IDE: variants seen among roughly 807,000 people sequenced by gnomAD.
IDE encodes insulin-degrading enzyme.
Under a neutral mutation model 133.2 loss-of-function variants are expected in IDE, and 58 were observed. The ratio of observed to expected loss-of-function variants is 0.44; its 90% CI spans 0.35 to 0.54. The LOEUF is 0.54. IDE is among the 20% of genes least tolerant of loss of function. IDE has a pLI of 0.00. For synonymous variants in IDE, 396 were observed against 421.3 expected (o/e 0.94, Z 0.73); for missense variants, 981 against 1,234.0 (o/e 0.79, Z 3.07).
chr10:92,486,427 T>C (rs1847000155), intron 13 of IDE, among the ~76,000 whole-genome samples: 1 of 152,196 alleles, frequency 6.6e-6, no homozygotes, highest in Non-Finnish European at 1.5e-5. Flanking sequence ...TTAGTGTTCC[T>C]AAACACTAAT....
At chr10:92,520,122 C>T (rs1013471533) in intron 4 of IDE, among the ~76,000 whole-genome samples, 4 of 152,026 alleles carry the variant, frequency 2.6e-5, no homozygotes, top group Non-Finnish European at 5.9e-5. Flanking sequence ...AATAAATAAT[C>T]CATGTTAAGG....
At chr10:92,455,792 A>T (rs1844976878) in intron 23 of IDE, 149 bp from the exon 24 acceptor site, 2 of 575,272 alleles carry the variant, frequency 3.5e-6, no homozygotes, top group East Asian at 5.6e-5. Context: ...GTTGCCTGCT[A>T]CCCAAGGCCT....
At chr10:92,513,032 C>T (rs1318653540) in intron 5 of IDE, among the ~76,000 whole-genome samples, 2 of 152,186 alleles carry the variant, frequency 1.3e-5, no homozygotes, top group Non-Finnish European at 2.9e-5. Context: ...CATAGCCACA[C>T]AGCTAAGTAA....
At chr10:92,465,505 A>G (rs1251307208) in intron 20 of IDE, among the ~76,000 whole-genome samples, 171 bp downstream of exon 20, 1 of 152,208 alleles carries the variant, frequency 6.6e-6, no homozygotes, top group African/African-American at 2.4e-5. Flanking sequence ...TCCATAAGAT[A>G]GTGATTGCTT....
intron 1 of IDE, among the ~76,000 whole-genome samples, chr10:92,551,580 A>G (rs1308574367): frequency 9.2e-5 from 14 of 151,770 alleles, no homozygotes; most frequent in East Asian, 1.9e-4. Flanking sequence ...AAAAAAAAAA[A>G]AAAAAGAAAA....
At chr10:92,572,998 A>G in intron 1 of IDE, 2 of 985,228 alleles carry the variant, frequency 2.0e-6, no homozygotes. Context: ...TACTTTACAT[A>G]GAGGGTCCAG....
chr10:92,503,232 C>T (rs757958754), intron 11 of IDE, among the ~76,000 whole-genome samples: 4 of 152,018 alleles, frequency 2.6e-5, no homozygotes, highest in African/African-American at 4.8e-5. Context: ...AGTTTGAGAT[C>T]CACCTGGGCA....
At chr10:92,481,730 G>T (rs1244917687) in intron 14 of IDE, among the ~76,000 whole-genome samples, 24 of 152,154 alleles carry the variant, frequency 1.6e-4, no homozygotes, top group Non-Finnish European at 2.9e-5. Flanking sequence ...CAGAACAGTG[G>T]TTACCTCTAG....
Position 92,487,216 on chromosome 10 carries a change from G to C in IDE, c.1636C>G (p.Pro546Ala). ...ATTACCTTAATAAGAGCAGGGTATG[G>C]TGTCGCCTCTTTTTCTAACGGTAAA... ...EILPLEKEAT[P>A]YPALIKDTAM... The change falls in exon 13 of 25, where the codon CCA becomes GCA. Residue 546 changes from proline to alanine, a missense_variant. Pro to Ala is a conservative substitution (Grantham distance 27). Transcript: ENST00000265986. 7 of 1,613,434 alleles carry C rather than the reference G, an allele frequency of 4.3e-6. No homozygotes were observed. The highest frequency in any genetic ancestry group is 5.9e-6 in the Non-Finnish European group (7 of 1,179,706).
chr10:92,493,673 TG>T (rs2135476073), intron 11 of IDE, among the ~76,000 whole-genome samples: 1 of 151,666 alleles, frequency 6.6e-6, no homozygotes, highest in African/African-American at 2.4e-5. Flanking sequence ...GTGAGGTGTA[TG>T]GGTAACATTT....
In IDE at chr10:92,468,954, G is replaced by C. The variant is rs1192634892; in HGVS notation, c.2245C>G (p.Leu749Val). 1 of 1,612,434 alleles carries C rather than the reference G, an allele frequency of 6.2e-7. No individual in the cohort carries two copies. The change falls in exon 19 of 25, where the codon CTC becomes GTC. Residue 749 changes from leucine to valine, a missense_variant. By Grantham distance (32) the Leu-to-Val change is conservative. This residue lies in a region of IDE where 660 missense variants were observed against 894.7 expected (regional missense o/e 0.74). Coordinates refer to ENST00000265986, the MANE Select transcript of IDE (RefSeq NM_004969.4). ...GGTTTGGTATGAGCATGTTCAATGA[G>C]GGTGTCTTCAACCATCTGCATAATT... ...LGIMQMVEDT[L>V]IEHAHTKPLL...
chr10:92,479,216 T>C, intron 15 of IDE, 61 bp downstream of exon 15: 1 of 1,246,638 alleles, frequency 8.0e-7, no homozygotes, highest in Non-Finnish European at 1.1e-6. Flanking sequence ...CAAAAAATGC[T>C]TCCATCAAAT....
At chr10:92,465,581 T>C in intron 20 of IDE, 95 bp downstream of exon 20, 1 of 1,032,120 alleles carries the variant, frequency 9.7e-7, no homozygotes, top group Non-Finnish European at 1.5e-6. Flanking sequence ...CCATGCCTGA[T>C]ATACAGTGTT....
chr10:92,519,980 T>TACTAA (rs1458977524), intron 4 of IDE, among the ~76,000 whole-genome samples: 2 of 152,130 alleles, frequency 1.3e-5, no homozygotes, highest in African/African-American at 4.8e-5. Flanking sequence ...GGTGGTCACC[T>TACTAA]GTAGTCCCAG....
At position 92,573,942 on chromosome 10, in the gene IDE, C is replaced by T; in HGVS notation, c.78G>A (p.Pro26=). 1 of 1,469,698 alleles carries T rather than the reference C, an allele frequency of 6.8e-7. No homozygotes were observed. The highest frequency in any genetic ancestry group is 9.0e-7 in the Non-Finnish European group (1 of 1,116,176). The allele number at this position is 1,469,698 out of a possible 1,614,324, so 91.0% of individuals were successfully genotyped here. A position where few individuals can be genotyped will look rare whatever the true frequency, so the allele number is the denominator to read the frequency against. ...CTTACCCACACAGGCGCTCCGGAGG[C>T]GGCAGGCGGGCGCCGAGGACTGAGC... The part of the protein sequence containing the change: ...TFRSVLGARL[P]PPERLCGFQK... Residue 26 remains proline (P), a synonymous_variant, in exon 1 of 25, where the codon CCG becomes CCA. Transcript: ENST00000265986.
chr10:92,556,179 CA>C (rs60008680), intron 1 of IDE, among the ~76,000 whole-genome samples: 2,914 of 68,926 alleles, frequency 0.042, 13 homozygotes, highest in Middle Eastern at 0.14. Flanking sequence ...GACTCCGTCT[CA>C]AAAAAAAAAA....
chr10:92,573,908 T>C lies in IDE; in HGVS notation c.98+14A>G. 1 of 1,448,774 alleles carries C rather than the reference T, an allele frequency of 6.9e-7. No individual in the cohort carries two copies. Among genetic ancestry groups the C allele is most frequent in the Non-Finnish European group, 9.0e-7 (1 of 1,105,550 alleles). 89.7% of individuals were successfully genotyped at this position (1,448,774 alleles called of 1,614,324 possible). A position where few individuals can be genotyped will look rare whatever the true frequency, so the allele number is the denominator to read the frequency against. On this transcript the variant is annotated intron_variant, in intron 1 of 24. Transcript: ENST00000265986. The stretch of plus-strand genomic sequence containing the variant: ...CCACGGGGCCCGAGGGCCCGGGCGC[T>C]CCATTCCGCTTACCCACACAGGCGC...
At chr10:92,559,029 C>T (rs975209086) in intron 1 of IDE, 1 of 151,246 alleles carries the variant, frequency 6.6e-6, no homozygotes, top group African/African-American at 2.4e-5. Flanking sequence ...TGAAAATATA[C>T]TCACTGGTCA....
chr10:92,526,034 T>C (rs2135636694), intron 4 of IDE, among the ~76,000 whole-genome samples: 1 of 151,974 alleles, frequency 6.6e-6, no homozygotes, highest in Middle Eastern at 3.4e-3. Flanking sequence ...TGCAAGCCTG[T>C]AATCCCATCT....
Sources: allele counts gnomAD v4.1 joint callset (sites outside exome capture counted in the v4.1 genomes callset), GRCh38; gene constraint gnomAD v4.1.1; regional missense constraint gnomAD v4.1.1; transcripts MANE v1.5; gene names NCBI Gene and HGNC (gene_info 2026-07-23, HGNC 2026-07-21).